Variants in VPS13B observed in about 807,000 individuals in gnomAD.
VPS13B encodes intermembrane lipid transfer protein VPS13B.
A neutral mutation model predicts 426.4 loss-of-function variants in VPS13B; 285 were observed. The observed-to-expected ratio is 0.67, with a 90% CI of 0.61 to 0.74. VPS13B has a LOEUF of 0.74. VPS13B is among the 30% of genes least tolerant of loss of function. The pLI is 0.00. For synonymous variants in VPS13B, 1,676 were observed against 1,676.4 expected (o/e 1.00, Z 0.01); for missense variants, 4,537 against 4,782.6 (o/e 0.95, Z 1.51).
intron 34 of VPS13B, among the ~76,000 whole-genome samples, chr8:99,658,171 A>C (rs564904961): frequency 6.6e-6 from 1 of 152,326 alleles, no homozygotes; most frequent in South Asian, 2.1e-4. Context: ...CCTAGGAATA[A>C]ATTCATAAAG....
At position 99,661,404 on chromosome 8, in the gene VPS13B, C is replaced by T; in HGVS notation, c.5959C>T (p.Gln1987Ter). The T allele has an allele frequency of 1.2e-6, 2 of 1,613,802 alleles. No individual in the cohort carries two copies. Among genetic ancestry groups the T allele is most frequent in the Non-Finnish European group, 1.7e-6 (2 of 1,179,850 alleles). Residue 1987 changes from glutamine to a stop codon, truncating the protein, a stop_gained, in exon 35 of 62, where the codon CAG becomes TAG. Transcript: ENST00000357162. LOFTEE classifies it high-confidence loss of function. ...EALDYCTVWL[Q>*]TVPGEIDSKS... ...CCTTGATTATTGCACTGTTTGGCTA[C>T]AGACAGTGCCTGGAGAAATAGACAG...
intron 49 of VPS13B, among the ~76,000 whole-genome samples, chr8:99,820,465 G>A (rs1814295703): frequency 6.6e-6 from 1 of 152,062 alleles, no homozygotes; most frequent in South Asian, 2.1e-4. Context: ...CATACCCTAG[G>A]TACTCTTTGC....
intron 19 of VPS13B, among the ~76,000 whole-genome samples, chr8:99,294,546 TAAAATA>T (rs1025682453): frequency 4.1e-5 from 6 of 145,672 alleles, no homozygotes; most frequent in African/African-American, 1.6e-4. Context: ...ATAATAAAAA[TAAAATA>T]AAATAAAATA....
At chr8:99,083,257 CTGTT>C (rs1056913347) in intron 3 of VPS13B, among the ~76,000 whole-genome samples, 8 of 151,974 alleles carry the variant, frequency 5.3e-5, no homozygotes, top group African/African-American at 1.4e-4. Context: ...ATTTGGCTCT[CTGTT>C]TGTTATTGGT....
Position 99,835,742 on chromosome 8 carries a change from A to C in VPS13B, c.9942+4A>C. 6.2e-7 allele frequency: 1 copy of C among 1,614,060 alleles called. No individual in the cohort carries two copies. Among genetic ancestry groups the C allele is most frequent in the Admixed American group, 1.7e-5 (1 of 60,012 alleles). On this transcript the variant is annotated splice_donor_region_variant and intron_variant, in intron 54 of 61. Transcript: ENST00000357162. ...CATCAACAGTCAGGGAACACAGGTC[A>C]GTGAGCCATGTGTTCCTGCCAAGAC...
At position 99,115,834 on chromosome 8, in the gene VPS13B, C is replaced by G. The variant is rs146883974; in HGVS notation, c.897C>G (p.Asp299Glu). The G allele has an allele frequency of 4.4e-5, 71 of 1,613,322 alleles. No homozygotes were observed. Among genetic ancestry groups the G allele is most frequent in the Middle Eastern group, 1.7e-4 (1 of 6,046 alleles). The change falls in exon 7 of 62, where the codon GAC (aspartate) becomes GAG (glutamate). Residue 299 changes from aspartate (D) to glutamate (E), a missense_variant. By Grantham distance (45) the Asp-to-Glu change is conservative (BLOSUM62 2). Transcript: ENST00000357162. ...ATTTTAAAGAAGGCGAAATAGAGGACCTTACTTGTCATAATAAAGATATGC... is the reference window on the plus strand; with the variant it reads ...ATTTTAAAGAAGGCGAAATAGAGGAGCTTACTTGTCATAATAAAGATATGC... ...IGNFKEGEIE[D>E]LTCHNKDMLG...
At chr8:99,476,533 A>G (rs531971903) in intron 24 of VPS13B, among the ~76,000 whole-genome samples, 1 of 152,210 alleles carries the variant, frequency 6.6e-6, no homozygotes, top group South Asian at 2.1e-4. Flanking sequence ...TAATCCAACT[A>G]TTGAAAGCCA....
At chr8:99,148,241 G>A (rs1810853304) in intron 14 of VPS13B, among the ~76,000 whole-genome samples, 1 of 151,620 alleles carries the variant, frequency 6.6e-6, no homozygotes, top group Non-Finnish European at 1.5e-5. Flanking sequence ...GCACATGCCT[G>A]TATTCCCAGC....
Position 99,818,503 on chromosome 8 carries a change from T to C in VPS13B, c.8414T>C (p.Leu2805Ser), listed in dbSNP as rs1814174083. The change falls in exon 46 of 62, where the codon TTA becomes TCA. Residue 2805 changes from leucine to serine, a missense_variant. Physicochemically the swap from Leu to Ser is moderately radical, Grantham distance 145. Coordinates refer to ENST00000357162, the MANE Select transcript of VPS13B (RefSeq NM_152564.5). ...TATGTCTGGTGCACAGTTTTGACTTTAGAACCCAACTCTCAAGTGCAACAA... is the reference window on the plus strand; with the variant it reads ...TATGTCTGGTGCACAGTTTTGACTTCAGAACCCAACTCTCAAGTGCAACAA... ...IIYVWCTVLT[L>S]EPNSQVQQRM... is the part of the protein sequence containing the mutation. The C allele has an allele frequency of 6.2e-7, 1 of 1,614,086 alleles. No homozygotes were observed. The highest frequency in any genetic ancestry group is 8.5e-7 in the Non-Finnish European group (1 of 1,179,956).
chr8:99,515,741 G>A (rs982963042), intron 29 of VPS13B, among the ~76,000 whole-genome samples: 1 of 151,938 alleles, frequency 6.6e-6, no homozygotes, highest in African/African-American at 2.4e-5. Context: ...CTAGGTCAAA[G>A]GATTCCATAC....
chr8:99,060,117 C>T (rs1176009207), intron 3 of VPS13B, among the ~76,000 whole-genome samples: 1 of 152,108 alleles, frequency 6.6e-6, no homozygotes, highest in Non-Finnish European at 1.5e-5. Flanking sequence ...CTACAAACCA[C>T]ACACTGATAC....
chr8:99,092,213 T>C (rs1362576069), intron 3 of VPS13B: 1 of 152,192 alleles, frequency 6.6e-6, no homozygotes, highest in East Asian at 1.9e-4. Flanking sequence ...TTAGGAACTT[T>C]TGTAAGGAAA....
At chr8:99,451,530 T>G (rs1588393397) in intron 23 of VPS13B, among the ~76,000 whole-genome samples, 1 of 152,288 alleles carries the variant, frequency 6.6e-6, no homozygotes, top group East Asian at 1.9e-4. Flanking sequence ...TAACTAAAGA[T>G]TAAATGAGAT....
intron 25 of VPS13B, among the ~76,000 whole-genome samples, chr8:99,491,375 T>G (rs1052600332): frequency 1.3e-5 from 2 of 152,200 alleles, no homozygotes; most frequent in African/African-American, 4.8e-5. Flanking sequence ...CTTTGTGGTG[T>G]TCTCTCCATT....
rs774202116 is a variant in VPS13B at position 99,818,705 on chromosome 8, T to G, written c.8446-8T>G. ...TATGAAAGTTGTTCTATCCTTTTAT[T>G]TTTATAGATTGTGTTCAGCCCTCTT... is the stretch of plus-strand genomic sequence containing the variant. On this transcript the variant is annotated splice_region_variant and splice_polypyrimidine_tract_variant and intron_variant, in intron 46 of 61. Coordinates refer to ENST00000357162, the MANE Select transcript of VPS13B (RefSeq NM_152564.5). 6.2e-7 allele frequency: 1 copy of G among 1,613,596 alleles called. No homozygotes were observed. The highest frequency in any genetic ancestry group is 2.2e-5 in the East Asian group (1 of 44,868).
chr8:99,082,856 T>C (rs539670019), intron 3 of VPS13B, among the ~76,000 whole-genome samples: 286 of 152,348 alleles, frequency 1.9e-3, no homozygotes, highest in Middle Eastern at 0.01. Context: ...GCTGTTTTGC[T>C]TACTGTAGCC....
intron 16 of VPS13B, among the ~76,000 whole-genome samples, chr8:99,179,966 CTTAAA>C (rs1020676376): frequency 7.9e-5 from 12 of 152,076 alleles, no homozygotes; most frequent in South Asian, 2.1e-4. Context: ...ATGTTAATTA[CTTAAA>C]TTAAACTAAA....
chr8:99,020,671 G>T (rs1841841001), intron 2 of VPS13B, among the ~76,000 whole-genome samples: 1 of 152,114 alleles, frequency 6.6e-6, no homozygotes. Context: ...TGGATATTCA[G>T]TTTTCCTAAC....
chr8:99,478,952 C>T (rs771307414), intron 24 of VPS13B, among the ~76,000 whole-genome samples: 16 of 152,032 alleles, frequency 1.1e-4, no homozygotes, highest in Admixed American at 2.0e-4. Context: ...TTGTTCAACC[C>T]AGATCACTAA....
Sources: allele counts gnomAD v4.1 joint callset (sites outside exome capture counted in the v4.1 genomes callset), GRCh38; gene constraint gnomAD v4.1.1; transcripts MANE v1.5; gene names NCBI Gene and HGNC (gene_info 2026-07-23, HGNC 2026-07-21).